Variants in MAMLD1 observed in about 807,000 individuals in gnomAD.
MAMLD1 encodes the protein mastermind like domain containing 1.
Under a neutral mutation model 45.0 loss-of-function variants are expected in MAMLD1, and 14 were observed. The observed-to-expected ratio is 0.31, with a 90% CI of 0.21 to 0.49. The LOEUF is 0.49. Among genes scored for constraint, MAMLD1 ranks in the 20% least tolerant of loss-of-function variants. The pLI, the probability that MAMLD1 is intolerant of heterozygous loss-of-function variation, is 0.99. For synonymous variants in MAMLD1, 254 were observed against 247.8 expected (o/e 1.02, Z -0.24); for missense variants, 543 against 603.6 (o/e 0.90, Z 1.05).
chrX:150,428,976 A>G (rs1007474672), intron 1 of MAMLD1, among the ~76,000 whole-genome samples: 1 of 111,737 alleles, frequency 8.9e-6, no homozygotes, highest in Non-Finnish European at 1.9e-5. Context: ...CCAAAGCAGC[A>G]TTTTAAACCT....
intron 1 of MAMLD1, among the ~76,000 whole-genome samples, chrX:150,433,667 A>G (rs2035027622): frequency 9.0e-6 from 1 of 111,718 alleles, no homozygotes; most frequent in Non-Finnish European, 1.9e-5. Flanking sequence ...TGAGATGATC[A>G]TGTGGGTTTT....
intron 2 of MAMLD1, among the ~76,000 whole-genome samples, chrX:150,457,417 C>T (rs782422816): frequency 1.6e-4 from 18 of 112,326 alleles, no homozygotes; most frequent in Admixed American, 1.1e-3. Context: ...TGTGGTGGTT[C>T]CTCAAGAAGT....
intron 1 of MAMLD1, among the ~76,000 whole-genome samples, chrX:150,398,337 A>AAGAGGAAGAG (rs2033587509): frequency 1.1e-4 from 6 of 52,301 alleles, no homozygotes; most frequent in African/African-American, 2.9e-4. Context: ...AAGAAGAAGA[A>AAGAGGAAGAG]GAAGAGGAAG....
chrX:150,482,024 G>GAA (rs1276430352), intron 5 of MAMLD1, among the ~76,000 whole-genome samples: 1 of 106,601 alleles, frequency 9.4e-6, no homozygotes, highest in Non-Finnish European at 1.9e-5. Flanking sequence ...AAGAAAGAAA[G>GAA]AAAGAAAGAA....
rs151078277 is a variant in MAMLD1 at position 150,379,981 on chromosome X, A to G, written c.-64+16451A>G. 6.5e-3 allele frequency among the ~76,000 whole-genome samples: 737 copies of G among 112,651 alleles called. 4 individuals are homozygous for G. Among genetic ancestry groups the G allele is most frequent in the African/African-American group, 0.022 (695 of 31,025 alleles). ...AATATTTTGCAATTAAAAATAAAAC[A>G]AACAACCCAGTACATATGTATTTTC... On this transcript the variant is annotated intron_variant, in intron 1 of 7. Coordinates refer to ENST00000370401, the MANE Select transcript of MAMLD1 (RefSeq NM_005491.5).
intron 1 of MAMLD1, among the ~76,000 whole-genome samples, chrX:150,432,237 T>C (rs1476743660): frequency 8.9e-6 from 1 of 112,012 alleles, no homozygotes; most frequent in Admixed American, 9.5e-5. Flanking sequence ...TTAAAAAGTA[T>C]CTATTCGTGT....
chrX:150,432,986 T>C (rs2035004777), intron 1 of MAMLD1, among the ~76,000 whole-genome samples: 1 of 112,015 alleles, frequency 8.9e-6, no homozygotes, highest in Non-Finnish European at 1.9e-5. Flanking sequence ...ATATTGAATC[T>C]GTAAATTGTT....
chrX:150,478,224 T>G (rs1358062751), intron 5 of MAMLD1, among the ~76,000 whole-genome samples: 1 of 112,404 alleles, frequency 8.9e-6, no homozygotes, highest in Non-Finnish European at 1.9e-5. Flanking sequence ...CAAGAGAATT[T>G]CCGATTCTGA....
chrX:150,489,318 G>A (rs1488319619), intron 5 of MAMLD1, among the ~76,000 whole-genome samples: 1 of 110,664 alleles, frequency 9.0e-6, no homozygotes, highest in Non-Finnish European at 1.9e-5. Context: ...TCAGTGTCTG[G>A]TGAGAGCTCT....
intron 3 of MAMLD1, among the ~76,000 whole-genome samples, chrX:150,464,619 G>A (rs1377363096): frequency 2.7e-5 from 3 of 111,381 alleles, no homozygotes; most frequent in Non-Finnish European, 3.8e-5. Flanking sequence ...TCTCCTCCTC[G>A]CTCTCACTCT....
rs1014968641 is a variant in MAMLD1, at chrX:150,399,147, C to G, written c.-64+35617C>G. Among the ~76,000 whole-genome samples the G allele has an allele frequency of 3.5e-4, 39 of 111,856 alleles. 1 individual carries two copies. The highest frequency in any genetic ancestry group is 1.5e-4 in the Non-Finnish European group (8 of 53,143). ...TGGAGGACAAATGGGAAAGCCAAGA[C>G]TGGAGGCAGGGGAAGCCCCCTGGGA... is the stretch of plus-strand genomic sequence containing the variant. On this transcript the variant is annotated intron_variant, in intron 1 of 7. Transcript: ENST00000370401.
In MAMLD1 at chrX:150,398,332, GAA is replaced by G. The variant is rs782441415; in HGVS notation, c.-64+34803_-64+34804del. ...AGAAGAAGAAGAAGAAGAAGAAGAAGAAGAAGAAGAGGAAGAGGAAGAGGAAG... is the reference window on the plus strand; with the variant it reads ...AGAAGAAGAAGAAGAAGAAGAAGAAGGAAGAAGAGGAAGAGGAAGAGGAAG... On this transcript the variant is annotated intron_variant, in intron 1 of 7. Coordinates refer to ENST00000370401, the MANE Select transcript of MAMLD1 (RefSeq NM_005491.5). Among the ~76,000 whole-genome samples, 277 of 80,534 alleles carry G rather than the reference GAA, an allele frequency of 3.4e-3. 1 individual carries two copies. Among genetic ancestry groups the G allele is most frequent in the Middle Eastern group, 0.022 (4 of 182 alleles). The allele number at this position is 80,534 out of a possible 115,157, so 69.9% of individuals were successfully genotyped here.
chrX:150,476,361 G>A (rs1420912937), intron 5 of MAMLD1, among the ~76,000 whole-genome samples: 1 of 112,401 alleles, frequency 8.9e-6, no homozygotes, highest in Non-Finnish European at 1.9e-5. Context: ...TGCAAAAATC[G>A]CGGTTAGGAC....
chrX:150,420,337 C>A (rs1211575292), intron 1 of MAMLD1, among the ~76,000 whole-genome samples: 1 of 90,312 alleles, frequency 1.1e-5, no homozygotes, highest in Non-Finnish European at 2.2e-5. Flanking sequence ...GTTATACATT[C>A]TTCTAAATTT....
intron 1 of MAMLD1, among the ~76,000 whole-genome samples, chrX:150,382,106 G>A (rs1480153312): frequency 9.0e-6 from 1 of 111,101 alleles, no homozygotes; most frequent in African/African-American, 3.3e-5. Flanking sequence ...TATTTTTTAA[G>A]TTTGATGGTT....
In MAMLD1 at chrX:150,503,509, A is replaced by G; in HGVS notation, c.2276A>G (p.Asp759Gly). The stretch of plus-strand genomic sequence containing the variant: ...CCCGCTCCACTACTGCCTAGCTGCG[A>G]CGCCACAGGTAAGTCACTTCCCCCT... ...QVPAPLLPSC[D>G]ATARGTEIRS... Residue 759 changes from aspartate (D) to glycine (G), a missense_variant, in exon 6 of 8, where the codon GAC becomes GGC. Transcript: ENST00000370401. The G allele has an allele frequency of 1.8e-6, 2 of 1,106,320 alleles. No individual in the cohort carries two copies. The highest frequency in any genetic ancestry group is 2.5e-6 in the Non-Finnish European group (2 of 805,617). 91.2% of individuals were successfully genotyped at this position (1,106,320 alleles called of 1,213,427 possible). A position where few individuals can be genotyped will look rare whatever the true frequency, so the allele number is the denominator to read the frequency against.
intron 1 of MAMLD1, among the ~76,000 whole-genome samples, chrX:150,423,530 C>G (rs1412927891): frequency 1.8e-5 from 2 of 110,338 alleles, no homozygotes; most frequent in Non-Finnish European, 3.8e-5. Flanking sequence ...CCTACCAGTA[C>G]TGATGGGGAT....
intron 3 of MAMLD1, among the ~76,000 whole-genome samples, chrX:150,468,976 A>AGTGT (rs1236391053): frequency 8.9e-4 from 28 of 31,416 alleles, no homozygotes; most frequent in South Asian, 4.0e-3. Flanking sequence ...GCAATGTGTG[A>AGTGT]GAGTGTGTGT....
intron 2 of MAMLD1, among the ~76,000 whole-genome samples, chrX:150,459,746 T>C (rs1557405514): frequency 9.2e-6 from 1 of 109,111 alleles, no homozygotes; most frequent in Non-Finnish European, 1.9e-5. Context: ...TCTTGAAGTC[T>C]ACTTATAAAT....
Sources: allele counts gnomAD v4.1 joint callset (sites outside exome capture counted in the v4.1 genomes callset), GRCh38; gene constraint gnomAD v4.1.1; transcripts MANE v1.5; gene names NCBI Gene and HGNC (gene_info 2026-07-23, HGNC 2026-07-21).